JAK2: variants seen among roughly 807,000 people sequenced by gnomAD.
JAK2 encodes Janus kinase 2, also known as tyrosine-protein kinase JAK2.
In JAK2, 86 loss-of-function variants were observed where a neutral mutation model predicts 139.3. The observed-to-expected ratio is 0.62, with a 90% CI of 0.52 to 0.74. The LOEUF is 0.74. JAK2 is among the 30% of genes least tolerant of loss of function. The pLI is 0.00. For missense variants in JAK2, 1,421 were observed against 1,360.3 expected, an observed-to-expected ratio of 1.04 and a Z score of -0.70; for synonymous variants, 490 against 437.7, an observed-to-expected ratio of 1.12 and a Z score of -1.49.
At chr9:5,126,076 G>GT (rs1823974874) in intron 23 of JAK2, 1 of 292,498 alleles carries the variant, frequency 3.4e-6, no homozygotes, top group Non-Finnish European at 6.3e-6. Context: ...AAGGAAATAT[G>GT]TTTTTAGTTC....
At chr9:5,021,767 A>G (rs562808143) in intron 2 of JAK2, among the ~76,000 whole-genome samples, 196 bp from the exon 3 acceptor site, 3 of 152,298 alleles carry the variant, frequency 2.0e-5, no homozygotes, top group East Asian at 3.9e-4. Context: ...TAGGACTACA[A>G]GTGCGTGCTG....
At chr9:5,070,127 G>GT in intron 12 of JAK2, 75 bp downstream of exon 12, 1 of 1,048,134 alleles carries the variant, frequency 9.5e-7, no homozygotes, top group Non-Finnish European at 1.4e-6. Flanking sequence ...TTACATTCAT[G>GT]TGACATTGGA....
At chr9:5,100,456 T>A (rs947697657) in intron 22 of JAK2, 2 of 152,236 alleles carry the variant, frequency 1.3e-5, no homozygotes, top group African/African-American at 4.8e-5. Context: ...CATACAACAG[T>A]TGTCCAAAAA....
intron 19 of JAK2, chr9:5,085,012 G>C (rs1586760606): frequency 1.2e-6 from 1 of 845,832 alleles, no homozygotes; most frequent in East Asian, 3.8e-5. Flanking sequence ...TGTCTTGTGA[G>C]TACAATTTCT....
At chr9:5,033,673 T>C (rs1224548519) in intron 4 of JAK2, among the ~76,000 whole-genome samples, 1 of 152,136 alleles carries the variant, frequency 6.6e-6, no homozygotes, top group Non-Finnish European at 1.5e-5. Flanking sequence ...TAAAATCCTT[T>C]ACAGACAAGC....
Position 5,054,979 on chromosome 9 carries a change from C to G in JAK2, c.936+95C>G. On this transcript the variant is annotated intron_variant, in intron 7 of 24. Coordinates refer to ENST00000381652, the MANE Select transcript of JAK2 (RefSeq NM_004972.4). This position sits in a 1 kb window ranked among gnomAD's most constrained non-coding sequence, Gnocchi z 4.9. Reference sequence around the variant, plus strand: ...TAATCATTTGCAACATGGTATTGCACTTCTCCCATTTGATAGAAGTGGAAG... The same window carrying G: ...TAATCATTTGCAACATGGTATTGCAGTTCTCCCATTTGATAGAAGTGGAAG... The G allele has an allele frequency of 1.2e-6, 1 of 866,740 alleles. No individual in the cohort carries two copies. Among genetic ancestry groups the G allele is most frequent in the Non-Finnish European group, 1.7e-6 (1 of 574,476 alleles). The allele number at this position is 866,740 out of a possible 1,614,324, so 53.7% of individuals were successfully genotyped here.
chr9:5,024,631 G>A (rs1429339839), intron 3 of JAK2, among the ~76,000 whole-genome samples: 6 of 152,024 alleles, frequency 3.9e-5, no homozygotes, highest in African/African-American at 1.4e-4. Context: ...ACTCTCCTCT[G>A]TCATCTCTGT....
chr9:5,064,970 T>C lies in JAK2; in HGVS notation c.1144T>C (p.Tyr382His). 6.2e-7 allele frequency: 1 copy of C among 1,610,290 alleles called. No homozygotes were observed. The highest frequency in any genetic ancestry group is 8.5e-7 in the Non-Finnish European group (1 of 1,177,722). Reference sequence around the variant, plus strand: ...TAGATTAACTGCAGATGCACATCATTACCTCTGTAAAGAAGTAGCACCTCC... The same window carrying C: ...TAGATTAACTGCAGATGCACATCATCACCTCTGTAAAGAAGTAGCACCTCC... ...YYRLTADAHH[Y>H]LCKEVAPPAV... Residue 382 changes from tyrosine (Y) to histidine (H), a missense_variant, in exon 9 of 25, where the codon TAC becomes CAC. Transcript: ENST00000381652.
At chr9:5,023,913 T>A (rs1822603530) in intron 3 of JAK2, among the ~76,000 whole-genome samples, 2 of 152,068 alleles carry the variant, frequency 1.3e-5, no homozygotes, top group South Asian at 4.1e-4. Context: ...GCTTTTAAGA[T>A]TTTTTAGCTT....
intron 2 of JAK2, among the ~76,000 whole-genome samples, chr9:5,013,251 C>T (rs1444308919): frequency 6.6e-6 from 1 of 151,952 alleles, no homozygotes; most frequent in Non-Finnish European, 1.5e-5. Context: ...CTTTAGAGTA[C>T]AATACAAAAT....
intron 3 of JAK2, among the ~76,000 whole-genome samples, chr9:5,023,924 G>A (rs527328639): frequency 2.0e-5 from 3 of 151,670 alleles, no homozygotes; most frequent in African/African-American, 7.2e-5. Flanking sequence ...TTTTTAGCTT[G>A]TAAGATATTT....
chr9:5,081,581 T>A (rs551000395), intron 18 of JAK2, 144 bp from the exon 19 acceptor site: 17 of 597,434 alleles, frequency 2.8e-5, no homozygotes, highest in African/African-American at 2.2e-4. Context: ...AGGCTCCCAT[T>A]AATATAATTG....
intron 4 of JAK2, among the ~76,000 whole-genome samples, chr9:5,035,984 A>G (rs1215013977): frequency 1.3e-5 from 2 of 152,144 alleles, no homozygotes; most frequent in Non-Finnish European, 2.9e-5. Context: ...GGAAAACCCC[A>G]TCGTCTCAGC....
At chr9:5,044,619 T>A in intron 5 of JAK2, 99 bp downstream of exon 5, 1 of 709,860 alleles carries the variant, frequency 1.4e-6, no homozygotes, top group Non-Finnish European at 2.3e-6. Context: ...ATGGGAAAAT[T>A]GCAGTTCTGT....
At chr9:5,101,279 C>G (rs1475822874) in intron 22 of JAK2, among the ~76,000 whole-genome samples, 2 of 152,256 alleles carry the variant, frequency 1.3e-5, no homozygotes, top group Non-Finnish European at 2.9e-5. Context: ...CTGCTCACTG[C>G]TAGCACAGCA....
At chr9:5,071,942 C>G (rs12686652) in intron 12 of JAK2, among the ~76,000 whole-genome samples, 36,258 of 152,168 alleles carry the variant, frequency 0.24, 4,697 homozygotes, top group South Asian at 0.3. Context: ...TGCACATTTA[C>G]TATGTGTCAT....
At chr9:5,049,403 C>A (rs1399108591) in intron 5 of JAK2, among the ~76,000 whole-genome samples, 1 of 152,204 alleles carries the variant, frequency 6.6e-6, no homozygotes. Context: ...CTGAACATAT[C>A]TGGTGCTTTT....
At chr9:5,106,927 T>C (rs1422176170) in intron 22 of JAK2, among the ~76,000 whole-genome samples, 3 of 152,182 alleles carry the variant, frequency 2.0e-5, no homozygotes, top group Admixed American at 6.5e-5. Context: ...AAATACCTAA[T>C]GTAAATGACG....
intron 23 of JAK2, among the ~76,000 whole-genome samples, chr9:5,124,442 C>G (rs1823844564): frequency 6.6e-6 from 1 of 151,590 alleles, no homozygotes; most frequent in African/African-American, 2.4e-5. Flanking sequence ...TCCAATTTAC[C>G]AGCACCATTT....
Sources: allele counts gnomAD v4.1 joint callset (sites outside exome capture counted in the v4.1 genomes callset), GRCh38; gene constraint gnomAD v4.1.1; non-coding constraint Gnocchi (gnomAD v3.1); transcripts MANE v1.5; gene names NCBI Gene and HGNC (gene_info 2026-07-23, HGNC 2026-07-21).